Variants in ZFHX3 observed in about 807,000 individuals in gnomAD.
The protein encoded by ZFHX3 is zinc finger homeobox protein 3.
A neutral mutation model predicts 279.1 loss-of-function variants in ZFHX3; 42 were observed. The observed-to-expected ratio is 0.15, with a 90% CI of 0.12 to 0.19. The LOEUF (loss-of-function observed/expected upper bound fraction) is 0.19. Among genes scored for constraint, ZFHX3 ranks in the 10% least tolerant of loss-of-function variants. The pLI is 1.00. For synonymous variants in ZFHX3, 2,293 were observed against 1,957.8 expected, an observed-to-expected ratio of 1.17 and a Z score of -4.52; for missense variants, 4,981 against 4,754.0, an observed-to-expected ratio of 1.05 and a Z score of -1.40.
chr16:72,869,104 C>T (rs761558186), intron 4 of ZFHX3, among the ~76,000 whole-genome samples: 19 of 152,008 alleles, frequency 1.2e-4, no homozygotes, highest in Non-Finnish European at 2.5e-4. Flanking sequence ...GGAGAGAAGA[C>T]GGAAAGGAAG....
intron 1 of ZFHX3, among the ~76,000 whole-genome samples, chr16:73,002,750 C>T (rs527266613): frequency 3.7e-4 from 57 of 152,208 alleles, no homozygotes; most frequent in African/African-American, 1.3e-3. Flanking sequence ...ATTAGGTTCT[C>T]GCTAATTCAC....
At chr16:73,509,497 A>C (rs2019385906) in intron 2 of ZFHX3, among the ~76,000 whole-genome samples, 1 of 148,132 alleles carries the variant, frequency 6.8e-6, no homozygotes, top group Admixed American at 6.8e-5. Flanking sequence ...CTTGGTCCAG[A>C]CAGTTTAGCT....
At chr16:72,909,692 C>T (rs149888824) in intron 3 of ZFHX3, among the ~76,000 whole-genome samples, 2,957 of 151,914 alleles carry the variant, frequency 0.019, 43 homozygotes, top group Middle Eastern at 0.054. Context: ...GCCTGGGCAA[C>T]GTGGTGAAAC....
Position 73,001,085 on chromosome 16 carries a change from G to A in ZFHX3, c.-49-40891C>T, listed in dbSNP as rs560940026. On this transcript the variant is annotated intron_variant, in intron 1 of 9. Coordinates refer to ENST00000268489, the MANE Select transcript of ZFHX3 (RefSeq NM_006885.4). ...TTACCAACAGCATGCAAATGGAATA[G>A]GACAAATGTGATAGGACACCACTTC... is the stretch of plus-strand genomic sequence containing the variant. 6.2e-4 allele frequency among the ~76,000 whole-genome samples: 94 copies of A among 152,296 alleles called. 1 individual carries two copies. In the Middle Eastern group the frequency reaches 0.01, roughly 17 times the overall value.
At chr16:73,011,075 G>A (rs1448012276) in intron 1 of ZFHX3, among the ~76,000 whole-genome samples, 10 of 152,074 alleles carry the variant, frequency 6.6e-5, no homozygotes, top group Non-Finnish European at 1.0e-4. Context: ...TCGACCTCCC[G>A]GGTTTAAGCG....
intron 4 of ZFHX3, among the ~76,000 whole-genome samples, chr16:73,265,729 T>G (rs2013956013): frequency 6.6e-6 from 1 of 152,216 alleles, no homozygotes; most frequent in African/African-American, 2.4e-5. Flanking sequence ...GCAGATCACC[T>G]ACATTAATAG....
intron 2 of ZFHX3, among the ~76,000 whole-genome samples, chr16:73,524,122 A>G (rs1224804590): frequency 6.6e-6 from 1 of 152,078 alleles, no homozygotes; most frequent in Non-Finnish European, 1.5e-5. Context: ...AAATAGAGTA[A>G]TTTCTCATCT....
intron 2 of ZFHX3, among the ~76,000 whole-genome samples, chr16:73,615,710 A>C (rs555063800): frequency 6.6e-6 from 1 of 152,348 alleles, no homozygotes; most frequent in Non-Finnish European, 1.5e-5. Context: ...CTATATTTGC[A>C]GAGACGTAAT....
At chr16:73,588,707 C>CAAAAAA (rs35010044) in intron 2 of ZFHX3, among the ~76,000 whole-genome samples, 14 of 134,244 alleles carry the variant, frequency 1.0e-4, no homozygotes, top group African/African-American at 3.1e-4. Flanking sequence ...AAAAACAAAA[C>CAAAAAA]AAAAAAAAAA....
chr16:73,537,806 T>A (rs865786822), intron 2 of ZFHX3, among the ~76,000 whole-genome samples: 9 of 152,234 alleles, frequency 5.9e-5, no homozygotes, highest in African/African-American at 2.2e-4. Flanking sequence ...CAGGAAGATA[T>A]GACATGTGGT....
intron 1 of ZFHX3, among the ~76,000 whole-genome samples, chr16:72,974,447 T>C (rs913279880): frequency 1.3e-5 from 2 of 152,120 alleles, no homozygotes; most frequent in African/African-American, 2.4e-5. Context: ...TGTTTTCCTC[T>C]CGGCAGGAAG....
chr16:73,441,866 C>A (rs1433237471), intron 3 of ZFHX3, among the ~76,000 whole-genome samples: 1 of 152,196 alleles, frequency 6.6e-6, no homozygotes, highest in African/African-American at 2.4e-5. Context: ...ACTTTGTAAA[C>A]TGAAATGTGC....
intron 1 of ZFHX3, among the ~76,000 whole-genome samples, chr16:73,837,168 T>C (rs1961165280): frequency 1.3e-5 from 2 of 152,192 alleles, no homozygotes; most frequent in Non-Finnish European, 2.9e-5. Flanking sequence ...GGAATGACAA[T>C]GATGAACCTA....
At chr16:72,920,790 C>T (rs978667537) in intron 3 of ZFHX3, among the ~76,000 whole-genome samples, 1 of 152,122 alleles carries the variant, frequency 6.6e-6, no homozygotes, top group Non-Finnish European at 1.5e-5. Flanking sequence ...CAAATCCAGG[C>T]TGGGCAAGGT....
At chr16:73,190,300 C>T (rs952660872) in intron 5 of ZFHX3, among the ~76,000 whole-genome samples, 2 of 152,232 alleles carry the variant, frequency 1.3e-5, no homozygotes, top group East Asian at 3.9e-4. Context: ...CCATTGGCTT[C>T]GCCCACCCCC....
Position 73,402,714 on chromosome 16 carries a change from A to G in ZFHX3, c.-1291+53289T>C, listed in dbSNP as rs531456376. ...AATCCAATGTTTTAATACCTTTTTTAAAGCAGGGACAGGTCTGTATACAAA... is the reference window on the plus strand; with the variant it reads ...AATCCAATGTTTTAATACCTTTTTTGAAGCAGGGACAGGTCTGTATACAAA... On this transcript the variant is annotated intron_variant, in intron 3 of 17. Coordinates refer to the ZFHX3 transcript ENST00000641206. Among the ~76,000 whole-genome samples the G allele has an allele frequency of 2.6e-5, 4 of 152,278 alleles. No homozygotes were observed. In the East Asian group the frequency reaches 5.8e-4, roughly 22 times the overall value.
intron 1 of ZFHX3, among the ~76,000 whole-genome samples, chr16:73,768,679 T>C (rs972049766): frequency 6.6e-6 from 1 of 152,216 alleles, no homozygotes. Flanking sequence ...GTAAATGTTA[T>C]AGAATCATCA....
At chr16:73,523,794 C>T (rs1373893011) in intron 2 of ZFHX3, among the ~76,000 whole-genome samples, 2 of 152,038 alleles carry the variant, frequency 1.3e-5, no homozygotes, top group African/African-American at 4.8e-5. Context: ...CTTTATTAAA[C>T]AAACTTACAA....
At chr16:73,802,491 A>G (rs2142327541) in intron 1 of ZFHX3, among the ~76,000 whole-genome samples, 1 of 152,378 alleles carries the variant, frequency 6.6e-6, no homozygotes, top group Non-Finnish European at 1.5e-5. Context: ...TAGCAGAAGT[A>G]TCCCAGACAC....
Sources: allele counts gnomAD v4.1 joint callset (sites outside exome capture counted in the v4.1 genomes callset), GRCh38; gene constraint gnomAD v4.1.1; transcripts MANE v1.5; gene names NCBI Gene and HGNC (gene_info 2026-07-23, HGNC 2026-07-21).